FAT3: variants seen among roughly 807,000 people sequenced by gnomAD.
FAT3 encodes FAT atypical cadherin 3.
Under a neutral mutation model 310.2 loss-of-function variants are expected in FAT3, and 95 were observed. The ratio of observed to expected loss-of-function variants is 0.31; its 90% confidence interval spans 0.26 to 0.36. The LOEUF is 0.36. FAT3 is among the 10% of genes least tolerant of loss of function. FAT3 has a pLI of 1.00. For missense variants in FAT3, 5,408 were observed against 5,715.6 expected (o/e 0.95, Z 1.74); for synonymous variants, 2,314 against 2,192.9 (o/e 1.06, Z -1.54).
intron 1 of FAT3, among the ~76,000 whole-genome samples, chr11:92,235,444 C>G (rs1403428297): frequency 6.6e-6 from 1 of 152,166 alleles, no homozygotes; most frequent in African/African-American, 2.4e-5. Context: ...AATGAAATTA[C>G]CTGCGCGGGT....
At chr11:92,342,066 A>C (rs751951785) in intron 1 of FAT3, among the ~76,000 whole-genome samples, 1 of 152,182 alleles carries the variant, frequency 6.6e-6, no homozygotes, top group Non-Finnish European at 1.5e-5. Context: ...AGCACTTACA[A>C]AACCACCTGC....
intron 2 of FAT3, among the ~76,000 whole-genome samples, chr11:92,371,843 C>G (rs1350731265): frequency 6.6e-6 from 1 of 152,082 alleles, no homozygotes; most frequent in Non-Finnish European, 1.5e-5. Flanking sequence ...GGCCCAGGTT[C>G]CCTAGAAAAC....
At chr11:92,823,631 A>T (rs955885050) in intron 13 of FAT3, among the ~76,000 whole-genome samples, 7 of 152,116 alleles carry the variant, frequency 4.6e-5, no homozygotes, top group Admixed American at 4.6e-4. Flanking sequence ...CCCAATTGGG[A>T]AGTCCTCAAC....
At chr11:92,533,316 A>G (rs1429915162) in intron 3 of FAT3, among the ~76,000 whole-genome samples, 3 of 152,070 alleles carry the variant, frequency 2.0e-5, no homozygotes, top group Admixed American at 2.0e-4. Flanking sequence ...GCCACTACAC[A>G]TAGCCCCTGA....
At chr11:92,594,629 A>T (rs998796992) in intron 3 of FAT3, among the ~76,000 whole-genome samples, 1 of 152,134 alleles carries the variant, frequency 6.6e-6, no homozygotes, top group African/African-American at 2.4e-5. Flanking sequence ...ACTGTGCTGG[A>T]TACAGGGGAT....
chr11:92,538,688 A>T (rs1954341873), intron 3 of FAT3, among the ~76,000 whole-genome samples: 1 of 152,160 alleles, frequency 6.6e-6, no homozygotes, highest in Non-Finnish European at 1.5e-5. Flanking sequence ...AAGGATGAAT[A>T]AAACAAGGAC....
At chr11:92,632,306 A>C (rs1278983425) in intron 3 of FAT3, among the ~76,000 whole-genome samples, 1 of 111,358 alleles carries the variant, frequency 9.0e-6, no homozygotes, top group Non-Finnish European at 2.0e-5. Context: ...AGAGTCACTC[A>C]GTATTTTTTA....
At chr11:92,445,187 CT>C (rs1951181110) in intron 2 of FAT3, among the ~76,000 whole-genome samples, 1 of 152,210 alleles carries the variant, frequency 6.6e-6, no homozygotes, top group Non-Finnish European at 1.5e-5. Flanking sequence ...GTCTATGGTA[CT>C]TTGTTATGGC....
At chr11:92,366,005 G>T (rs1949011150) in intron 2 of FAT3, among the ~76,000 whole-genome samples, 1 of 152,142 alleles carries the variant, frequency 6.6e-6, no homozygotes, top group Admixed American at 6.5e-5. Context: ...AGCTCTCTGG[G>T]GTGAGGGAGG....
At chr11:92,614,888 T>C (rs1444008167) in intron 3 of FAT3, among the ~76,000 whole-genome samples, 1 of 152,228 alleles carries the variant, frequency 6.6e-6, no homozygotes, top group African/African-American at 2.4e-5. Flanking sequence ...TTTTGTATAA[T>C]ATGAGTAGAG....
rs569607207 is a variant in FAT3, at chr11:92,864,143, T to C, written c.11659-2598T>C. On this transcript the variant is annotated intron_variant, in intron 21 of 27. Transcript: ENST00000525166. ...TCTGATATATTTGAGTACATCAGAG[T>C]CCTGTCATTTCTCCCTGGTGAATAT... Among the ~76,000 whole-genome samples, 4 of 152,286 alleles carry C rather than the reference T, an allele frequency of 2.6e-5. No homozygotes were observed. In the South Asian group the frequency reaches 8.3e-4, roughly 32 times the overall value.
Position 92,352,277 on chromosome 11 carries a change from C to T in FAT3, c.165C>T (p.Asn55=), listed in dbSNP as rs367970576. 1.6e-5 allele frequency: 24 copies of T among 1,461,800 alleles called. No homozygotes were observed. Among genetic ancestry groups the T allele is most frequent in the Non-Finnish European group, 2.1e-5 (23 of 1,084,214 alleles). The allele number at this position is 1,461,800 out of a possible 1,614,324, so 90.6% of individuals were successfully genotyped here. A position where few individuals can be genotyped will look rare whatever the true frequency, so the allele number is the denominator to read the frequency against. Reference sequence around the variant, plus strand: ...TTTATAATGCTACCGTGTATGAGAACTCAGCAGCAAGGACCTACGTCAACA... The same window carrying T: ...TTTATAATGCTACCGTGTATGAGAATTCAGCAGCAAGGACCTACGTCAACA... ...HSIYNATVYE[N]SAARTYVNSQ... is the part of the protein sequence containing the mutation. The change falls in exon 2 of 28, where the codon AAC becomes AAT. Residue 55 remains asparagine, a synonymous_variant. Coordinates refer to ENST00000525166, the MANE Select transcript of FAT3 (RefSeq NM_001367949.2).
At position 92,323,858 on chromosome 11, in the gene FAT3, A is replaced by G. The variant is rs145736536; in HGVS notation, c.-17-28238A>G. ...GTCTGGCGTTGACTGTTTTCTAGCT[A>G]TGAAAGCTTCTTCTTTCAATAGAAG... is the stretch of plus-strand genomic sequence containing the variant. On this transcript the variant is annotated intron_variant, in intron 1 of 27. Transcript: ENST00000525166. 2.5e-3 allele frequency among the ~76,000 whole-genome samples: 387 copies of G among 152,340 alleles called. 1 individual carries two copies. Among genetic ancestry groups the G allele is most frequent in the African/African-American group, 8.8e-3 (365 of 41,574 alleles).
chr11:92,436,604 C>T (rs1950945428), intron 2 of FAT3, among the ~76,000 whole-genome samples: 1 of 152,162 alleles, frequency 6.6e-6, no homozygotes, highest in African/African-American at 2.4e-5. Context: ...ACTGTTTCTT[C>T]AGTGGTTTGG....
chr11:92,325,794 G>C (rs1947747448), intron 1 of FAT3, among the ~76,000 whole-genome samples: 2 of 152,238 alleles, frequency 1.3e-5, no homozygotes, highest in Middle Eastern at 3.4e-3. Context: ...ACCACGCCCA[G>C]CTAATTTTTG....
chr11:92,621,555 ACTT>A (rs555732464), intron 3 of FAT3, among the ~76,000 whole-genome samples: 4 of 152,186 alleles, frequency 2.6e-5, no homozygotes, highest in Non-Finnish European at 5.9e-5. Context: ...GATCTGGCTC[ACTT>A]CTTCCAATGC....
At chr11:92,664,536 G>T (rs1450056581) in intron 3 of FAT3, among the ~76,000 whole-genome samples, 1 of 152,108 alleles carries the variant, frequency 6.6e-6, no homozygotes, top group Admixed American at 6.5e-5. Context: ...TCTATAAAAT[G>T]AGTTACCAGA....
At chr11:92,311,711 C>G in intron 1 of FAT3, among the ~76,000 whole-genome samples, 1 of 151,854 alleles carries the variant, frequency 6.6e-6, no homozygotes, top group East Asian at 1.9e-4. Flanking sequence ...GACCTTGGCT[C>G]AAAGGTTTCT....
intron 2 of FAT3, among the ~76,000 whole-genome samples, chr11:92,371,157 C>T (rs1949175459): frequency 6.6e-6 from 1 of 152,230 alleles, no homozygotes. Context: ...AAAGAGTTCA[C>T]TAACTCTCAT....
Sources: allele counts gnomAD v4.1 joint callset (sites outside exome capture counted in the v4.1 genomes callset), GRCh38; gene constraint gnomAD v4.1.1; transcripts MANE v1.5; gene names NCBI Gene and HGNC (gene_info 2026-07-23, HGNC 2026-07-21).